MGAT4C: variants seen among roughly 807,000 people sequenced by gnomAD.
The protein encoded by MGAT4C is MGAT4 family member C, also known as alpha-1,3-mannosyl-glycoprotein 4-beta-N-acetylglucosaminyltransferase C.
MGAT4C carries 19 observed loss-of-function variants against 40.1 expected under a neutral mutation model. That is an observed-to-expected ratio of 0.47 (90% CI 0.33 to 0.70). The LOEUF (loss-of-function observed/expected upper bound fraction) is 0.70. Among genes scored for constraint, MGAT4C ranks in the 30% least tolerant of loss-of-function variants. The probability of loss-of-function intolerance (pLI) is 0.02; values close to 1 mark genes in which losing one functional copy is unlikely to be tolerated. For synonymous variants in MGAT4C, 181 were observed against 187.1 expected (o/e 0.97, Z 0.27); for missense variants, 491 against 563.2 (o/e 0.87, Z 1.30).
chr12:86,458,532 A>G (rs1381840432), intron 2 of MGAT4C, among the ~76,000 whole-genome samples: 1 of 152,202 alleles, frequency 6.6e-6, no homozygotes, highest in Non-Finnish European at 1.5e-5. Context: ...GTAGAAAACA[A>G]TTATATGCTG....
intron 2 of MGAT4C, among the ~76,000 whole-genome samples, chr12:86,453,752 T>C (rs987027390): frequency 6.6e-6 from 1 of 152,078 alleles, no homozygotes; most frequent in Admixed American, 6.6e-5. Flanking sequence ...AGATAATTAT[T>C]CTTATGTCGG....
chr12:86,615,106 T>C (rs1486023061), intron 2 of MGAT4C, among the ~76,000 whole-genome samples: 2 of 151,794 alleles, frequency 1.3e-5, no homozygotes, highest in Admixed American at 6.6e-5. Flanking sequence ...TAATTGAGGA[T>C]AGATCCATTA....
intron 2 of MGAT4C, among the ~76,000 whole-genome samples, chr12:86,446,028 G>C (rs1002391216): frequency 5.9e-5 from 9 of 151,984 alleles, no homozygotes; most frequent in African/African-American, 1.9e-4. Context: ...TGCAATTTCT[G>C]AATATGTGTT....
At chr12:86,490,316 G>A (rs948876176) in intron 2 of MGAT4C, among the ~76,000 whole-genome samples, 1 of 151,650 alleles carries the variant, frequency 6.6e-6, no homozygotes, top group Non-Finnish European at 1.5e-5. Context: ...TCATATCCAG[G>A]CAAACTAAGC....
At chr12:86,092,763 G>A (rs958842685) in intron 1 of MGAT4C, among the ~76,000 whole-genome samples, 4 of 151,978 alleles carry the variant, frequency 2.6e-5, no homozygotes, top group Non-Finnish European at 5.9e-5. Context: ...CAGGGCATAG[G>A]CCTCTAAAGA....
At chr12:86,320,596 T>C (rs1327177197) in intron 4 of MGAT4C, among the ~76,000 whole-genome samples, 1 of 152,142 alleles carries the variant, frequency 6.6e-6, no homozygotes, top group Non-Finnish European at 1.5e-5. Context: ...AAATCACTTT[T>C]ATCCCAAATT....
intron 1 of MGAT4C, among the ~76,000 whole-genome samples, chr12:86,202,739 C>T (rs1950096410): frequency 6.6e-6 from 1 of 151,926 alleles, no homozygotes; most frequent in African/African-American, 2.4e-5. Context: ...ATTGATTTCA[C>T]TTATTCTTTT....
chr12:86,262,964 T>A (rs1952691692), intron 4 of MGAT4C, among the ~76,000 whole-genome samples: 1 of 152,106 alleles, frequency 6.6e-6, no homozygotes, highest in African/African-American at 2.4e-5. Context: ...AACTTTGTCA[T>A]TTGTTTAAAA....
At chr12:86,040,538 G>T (rs966905867) in intron 2 of MGAT4C, among the ~76,000 whole-genome samples, 2 of 152,212 alleles carry the variant, frequency 1.3e-5, no homozygotes, top group African/African-American at 2.4e-5. Context: ...CACTGTGAGT[G>T]TAAAACTGCC....
In MGAT4C at chr12:85,983,629, T is replaced by C. The variant is rs770979746; in HGVS notation, c.189A>G (p.Gln63=). 3 of 1,597,650 alleles carry C rather than the reference T, an allele frequency of 1.9e-6. No individual in the cohort carries two copies. The highest frequency in any genetic ancestry group is 1.7e-5 in the Admixed American group (1 of 57,386). The change falls in exon 4 of 5, where the codon CAA becomes CAG. Residue 63 remains glutamine, a synonymous_variant. Coordinates refer to ENST00000611864, the MANE Select transcript of MGAT4C (RefSeq NM_001351288.2). Reference sequence around the variant, plus strand: ...TATGAACATAGCGTTCTGAATTCAGTTGATGTGTGGATGTTTCCCTTATAA... The same window carrying C: ...TATGAACATAGCGTTCTGAATTCAGCTGATGTGTGGATGTTTCCCTTATAA... The part of the protein sequence containing the change: ...KQLIRETSTH[Q]LNSERYVHTF...
At chr12:86,453,480 G>A (rs550630918) in intron 2 of MGAT4C, among the ~76,000 whole-genome samples, 6 of 152,202 alleles carry the variant, frequency 3.9e-5, no homozygotes, top group African/African-American at 1.2e-4. Context: ...AACTCATTCA[G>A]CTATGAGTAA....
chr12:86,800,686 T>A (rs1952209738), intron 1 of MGAT4C, among the ~76,000 whole-genome samples: 1 of 151,880 alleles, frequency 6.6e-6, no homozygotes, highest in South Asian at 2.1e-4. Flanking sequence ...TAGAAATTAA[T>A]GTCCAAGATA....
At chr12:86,402,383 C>T (rs1956383791) in intron 3 of MGAT4C, among the ~76,000 whole-genome samples, 1 of 152,018 alleles carries the variant, frequency 6.6e-6, no homozygotes, top group Admixed American at 6.6e-5. Context: ...CAAGATGGTG[C>T]CACTGCACTC....
intron 1 of MGAT4C, chr12:86,068,347 C>T (rs779856245): frequency 4.6e-5 from 7 of 152,032 alleles, no homozygotes; most frequent in Non-Finnish European, 8.8e-5. Flanking sequence ...CAAGTTTTGT[C>T]ATCATCATTG....
chr12:86,088,285 G>C (rs906784572), intron 1 of MGAT4C, among the ~76,000 whole-genome samples: 3 of 151,890 alleles, frequency 2.0e-5, no homozygotes, highest in South Asian at 4.1e-4. Flanking sequence ...CAATAACCTA[G>C]GAAATACCAT....
At chr12:86,810,028 T>C (rs1020091523) in intron 1 of MGAT4C, among the ~76,000 whole-genome samples, 2 of 152,052 alleles carry the variant, frequency 1.3e-5, no homozygotes, top group Non-Finnish European at 2.9e-5. Flanking sequence ...TTAAGCCTAC[T>C]TGATTTTCTT....
intron 1 of MGAT4C, among the ~76,000 whole-genome samples, chr12:86,080,980 T>C (rs1392846758): frequency 1.3e-5 from 2 of 152,172 alleles, no homozygotes; most frequent in African/African-American, 4.8e-5. Flanking sequence ...AATGCATATG[T>C]TTTCTGAGCA....
intron 4 of MGAT4C, among the ~76,000 whole-genome samples, chr12:86,303,930 C>T (rs1246684159): frequency 6.6e-6 from 1 of 150,382 alleles, no homozygotes; most frequent in African/African-American, 2.5e-5. Flanking sequence ...TCCTTTCTCT[C>T]TCTCAACCTC....
chr12:86,747,100 A>C (rs995564637), intron 1 of MGAT4C, among the ~76,000 whole-genome samples: 11 of 151,644 alleles, frequency 7.3e-5, no homozygotes, highest in Non-Finnish European at 1.0e-4. Flanking sequence ...CTATTTGTGT[A>C]ATCTTGGACA....
Sources: allele counts gnomAD v4.1 joint callset (sites outside exome capture counted in the v4.1 genomes callset), GRCh38; gene constraint gnomAD v4.1.1; transcripts MANE v1.5; gene names NCBI Gene and HGNC (gene_info 2026-07-23, HGNC 2026-07-21).